IL27RA: variants seen among roughly 807,000 people sequenced by gnomAD.
IL27RA encodes the protein interleukin 27 receptor subunit alpha, also known as interleukin-27 receptor subunit alpha.
Under a neutral mutation model 80.8 loss-of-function variants are expected in IL27RA, and 61 were observed. The observed-to-expected ratio is 0.76, with a 90% confidence interval of 0.61 to 0.93. IL27RA has a LOEUF of 0.93. IL27RA is among the 40% of genes least tolerant of loss of function. The pLI is 0.00. For missense variants in IL27RA, 735 were observed against 808.1 expected (o/e 0.91, Z 1.10); for synonymous variants, 316 against 332.5 (o/e 0.95, Z 0.54).
chr19:14,042,210 A>AC (rs1975998674), intron 4 of IL27RA, among the ~76,000 whole-genome samples: 1 of 149,862 alleles, frequency 6.7e-6, no homozygotes, highest in African/African-American at 2.5e-5. Context: ...AAAAAAAAAA[A>AC]AAAAAATTAA....
rs1975994136 is a variant in IL27RA, at chr19:14,041,907, A to G, written c.535-546A>G. Among the ~76,000 whole-genome samples the G allele has an allele frequency of 2.6e-5, 4 of 152,234 alleles. No homozygotes were observed. In the South Asian group the frequency reaches 8.3e-4, roughly 32 times the overall value. Reference sequence around the variant, plus strand: ...ATGGTGAAACCCCGTCTCTACTAAAAATACAAAAATTGGCTGGGCTTGGTG... The same window carrying G: ...ATGGTGAAACCCCGTCTCTACTAAAGATACAAAAATTGGCTGGGCTTGGTG... On this transcript the variant is annotated intron_variant, in intron 4 of 13. Transcript: ENST00000263379.
intron 6 of IL27RA, among the ~76,000 whole-genome samples, chr19:14,045,904 A>C (rs1976057459): frequency 6.6e-6 from 1 of 151,942 alleles, no homozygotes; most frequent in Non-Finnish European, 1.5e-5. Flanking sequence ...AGGCGCCTGT[A>C]ATCCCAGCTA....
intron 2 of IL27RA, among the ~76,000 whole-genome samples, chr19:14,036,648 C>T (rs1014682886): frequency 6.6e-6 from 1 of 151,524 alleles, no homozygotes; most frequent in Non-Finnish European, 1.5e-5. Context: ...ATCTCCACAT[C>T]TGGCTAATTT....
intron 6 of IL27RA, among the ~76,000 whole-genome samples, chr19:14,044,650 G>C (rs991890870): frequency 6.6e-6 from 1 of 151,980 alleles, no homozygotes; most frequent in African/African-American, 2.4e-5. Flanking sequence ...AGCAGGGTAG[G>C]GTCACACAGG....
Position 14,052,183 on chromosome 19 carries a change from C to T in IL27RA, c.1804C>T (p.Pro602Ser), listed in dbSNP as rs1380373271. The part of the protein sequence containing the change: ...EPPPVMESSQ[P>S]AQATAPLDSG... ...CCCGCCGGTTATGGAGTCCTCCCAGCCCGCCCAGGCCACCGCCCCGCTTGA... is the reference window on the plus strand; with the variant it reads ...CCCGCCGGTTATGGAGTCCTCCCAGTCCGCCCAGGCCACCGCCCCGCTTGA... The change falls in exon 14 of 14, where the codon CCC (proline) becomes TCC (serine). Residue 602 changes from proline (P) to serine (S), a missense_variant. Transcript: ENST00000263379. The T allele has an allele frequency of 6.2e-7, 1 of 1,612,076 alleles. No individual in the cohort carries two copies.
In IL27RA at chr19:14,039,523, C is replaced by T. The variant is rs1975955891; in HGVS notation, c.234C>T (p.Thr78=). The T allele has an allele frequency of 6.2e-7, 1 of 1,613,342 alleles. No homozygotes were observed. Among genetic ancestry groups the T allele is most frequent in the Non-Finnish European group, 8.5e-7 (1 of 1,179,646 alleles). Residue 78 remains threonine (T), a synonymous_variant, in exon 3 of 14, where the codon ACC becomes ACT. Transcript: ENST00000263379. ...LQSQKYRSNK[T]QTVAVAAGRS... ...CTCCTCACAGCCGTTCCAACAAAAC[C>T]CAGACTGTGGCAGTGGCAGCCGGAC...
chr19:14,051,321 G>T (rs1976158884), intron 11 of IL27RA, among the ~76,000 whole-genome samples: 1 of 152,094 alleles, frequency 6.6e-6, no homozygotes, highest in African/African-American at 2.4e-5. Context: ...GAGGCGGGTG[G>T]ATCAGTTGAG....
At chr19:14,045,561 A>G (rs1976052957) in intron 6 of IL27RA, among the ~76,000 whole-genome samples, 1 of 150,994 alleles carries the variant, frequency 6.6e-6, no homozygotes, top group Non-Finnish European at 1.5e-5. Context: ...AGATGGCGCC[A>G]CTGCACTCCA....
At chr19:14,042,412 T>C (rs1599300051) in intron 4 of IL27RA, 41 bp from the exon 5 acceptor site, 2 of 1,577,344 alleles carry the variant, frequency 1.3e-6, no homozygotes, top group Non-Finnish European at 1.7e-6. Context: ...TACCCTTGAC[T>C]CAGGCCCTGG....
rs375512540 is a variant in IL27RA at position 14,049,283 on chromosome 19, G to C, written c.1371G>C (p.Gln457His). 3.7e-6 allele frequency: 6 copies of C among 1,613,980 alleles called. No individual in the cohort carries two copies. In the Admixed American group the frequency reaches 6.7e-5, roughly 18 times the overall value. The change falls in exon 10 of 14, where the codon CAG becomes CAC. Residue 457 changes from glutamine to histidine, a missense_variant. Physicochemically the swap from Gln to His is conservative, Grantham distance 24. Transcript: ENST00000263379. ...TCACCCACTACACCTTGTGTGCACA[G>C]AGTGGAACCAGCCCCTCCGTCTGCA... ...GHLTHYTLCAQSGTSPSVCMN... is the reference protein window; with the variant it reads ...GHLTHYTLCAHSGTSPSVCMN...
intron 3 of IL27RA, 33 bp downstream of exon 3, chr19:14,039,698 G>C (rs373267847): frequency 1.7e-4 from 281 of 1,610,684 alleles, no homozygotes; most frequent in Non-Finnish European, 2.1e-4. Flanking sequence ...GCTCTATGCG[G>C]GGTGGGTGCT....
intron 10 of IL27RA, among the ~76,000 whole-genome samples, chr19:14,049,886 A>T (rs1976134238): frequency 6.6e-6 from 1 of 151,646 alleles, no homozygotes; most frequent in Non-Finnish European, 1.5e-5. Flanking sequence ...CCTATATATA[A>T]TTTTAAAAAT....
chr19:14,046,706 T>C lies in IL27RA; in HGVS notation c.1141+88T>C, dbSNP rs910909501. 13 of 1,293,246 alleles carry C rather than the reference T, an allele frequency of 1.0e-5. No homozygotes were observed. The Admixed American group carries it at 1.4e-4, about 14-fold the overall frequency. The allele number at this position is 1,293,246 out of a possible 1,614,324, so 80.1% of individuals were successfully genotyped here. A position where few individuals can be genotyped will look rare whatever the true frequency, so the allele number is the denominator to read the frequency against. On this transcript the variant is annotated intron_variant, in intron 8 of 13. Coordinates refer to ENST00000263379, the MANE Select transcript of IL27RA (RefSeq NM_004843.4). ...GTAAGAGGGAGTGCTATGATTAAAGTAGCGTGATGGCCGGGCTTGGTGGCT... is the reference window on the plus strand; with the variant it reads ...GTAAGAGGGAGTGCTATGATTAAAGCAGCGTGATGGCCGGGCTTGGTGGCT...
chr19:14,033,197 A>G (rs1263750095), intron 2 of IL27RA, among the ~76,000 whole-genome samples: 1 of 149,796 alleles, frequency 6.7e-6, no homozygotes, highest in Middle Eastern at 3.2e-3. Flanking sequence ...CCTGGGTTCA[A>G]GCGATTCTCC....
At position 14,046,513 on chromosome 19, in the gene IL27RA, G is replaced by A. The variant is rs780394982; in HGVS notation, c.1036G>A (p.Gly346Arg). Residue 346 changes from glycine to arginine, a missense_variant, in exon 8 of 14, where the codon GGG (glycine) becomes AGG (arginine). Physicochemically the swap from Gly to Arg is moderately radical, Grantham distance 125. Coordinates refer to ENST00000263379, the MANE Select transcript of IL27RA (RefSeq NM_004843.4). ...ACTGGTGACCTGGCAACCGGGGCCT[G>A]GGGAACCACTGGAGCATGTAGTGGA... ...ELLVTWQPGP[G>R]EPLEHVVDWA... 5 of 1,614,112 alleles carry A rather than the reference G, an allele frequency of 3.1e-6. No individual in the cohort carries two copies. Among genetic ancestry groups the A allele is most frequent in the African/African-American group, 1.3e-5 (1 of 75,018 alleles).
chr19:14,036,109 AAG>A (rs1422105264), intron 2 of IL27RA, among the ~76,000 whole-genome samples: 1 of 151,554 alleles, frequency 6.6e-6, no homozygotes, highest in African/African-American at 2.4e-5. Context: ...GAAGAAGAAG[AAG>A]AAGAGGAAGA....
At chr19:14,038,949 A>G (rs1302524601) in intron 2 of IL27RA, among the ~76,000 whole-genome samples, 3 of 151,078 alleles carry the variant, frequency 2.0e-5, no homozygotes, top group Admixed American at 6.6e-5. Flanking sequence ...AAGAAGGGAG[A>G]GGGAGAGGAA....
chr19:14,039,696 C>CG, intron 3 of IL27RA, 31 bp downstream of exon 3: 4 of 1,316,370 alleles, frequency 3.0e-6, no homozygotes, highest in Non-Finnish European at 4.2e-6. Flanking sequence ...GCGCTCTATG[C>CG]GGGGTGGGTG....
chr19:14,031,814 C>A lies in IL27RA; in HGVS notation c.-59C>A, dbSNP rs1975817038. ...GCTGTACCCAGAGCTCGAAGAGGAG[C>A]AGCGCGGCCGCGCGGACCCGGCAAG... On this transcript the variant is annotated 5_prime_UTR_variant, in exon 1 of 14. Transcript: ENST00000263379. 1.4e-6 allele frequency: 2 copies of A among 1,414,384 alleles called. No individual in the cohort carries two copies. Among genetic ancestry groups the A allele is most frequent in the South Asian group, 1.3e-5 (1 of 78,606 alleles). The allele number at this position is 1,414,384 out of a possible 1,614,324, so 87.6% of individuals were successfully genotyped here. A position where few individuals can be genotyped will look rare whatever the true frequency, so the allele number is the denominator to read the frequency against.
Sources: gnomAD v4.1 joint callset for allele counts (sites outside exome capture counted in the v4.1 genomes callset) on GRCh38, gnomAD v4.1.1 for gene constraint, MANE v1.5 for transcripts, NCBI Gene and HGNC (gene_info 2026-07-23, HGNC 2026-07-21) for gene names.